The following PHACTR4 variants were observed in gnomAD, a reference collection of about 807,000 sequenced individuals.
PHACTR4 encodes protein phosphatase 1, regulatory subunit 124.
A neutral mutation model predicts 72.7 loss-of-function variants in PHACTR4; 51 were observed. The ratio of observed to expected loss-of-function variants is 0.70; its 90% CI spans 0.56 to 0.89. The LOEUF is 0.89. Ranked by LOEUF, PHACTR4 falls within the 40% of genes least tolerant of loss-of-function variation. The probability of loss-of-function intolerance (pLI) is 0.00; values close to 1 mark genes in which losing one functional copy is unlikely to be tolerated. For missense variants in PHACTR4, 731 were observed against 861.8 expected (o/e 0.85, Z 1.90); for synonymous variants, 255 against 302.5 (o/e 0.84, Z 1.63).
intron 1 of PHACTR4, among the ~76,000 whole-genome samples, chr1:28,376,113 C>T (rs1651645972): frequency 6.6e-6 from 1 of 151,934 alleles, no homozygotes; most frequent in South Asian, 2.1e-4. Context: ...ACAGCCGTGT[C>T]TTCACAGGGG....
chr1:28,485,044 T>G (rs1269980394), intron 9 of PHACTR4, among the ~76,000 whole-genome samples: 3 of 152,116 alleles, frequency 2.0e-5, no homozygotes, highest in Non-Finnish European at 4.4e-5. Context: ...TCCAATATGC[T>G]AACAACATAG....
chr1:28,418,841 C>G (rs1655293554), intron 2 of PHACTR4, among the ~76,000 whole-genome samples: 1 of 151,192 alleles, frequency 6.6e-6, no homozygotes, highest in East Asian at 1.9e-4. Context: ...GTCCCAGCTA[C>G]TTGGGAGGCT....
intron 1 of PHACTR4, among the ~76,000 whole-genome samples, chr1:28,377,023 G>A (rs1467810361): frequency 2.0e-5 from 3 of 151,414 alleles, no homozygotes; most frequent in Non-Finnish European, 4.4e-5. Context: ...TCTGCCTCCC[G>A]GGTTCAAGCG....
intron 1 of PHACTR4, among the ~76,000 whole-genome samples, chr1:28,402,349 G>C (rs957619493): frequency 6.6e-6 from 1 of 152,138 alleles, no homozygotes; most frequent in African/African-American, 2.4e-5. Flanking sequence ...TTTCCAAATA[G>C]AGTATTGAGT....
chr1:28,460,087 A>G (rs1207004831), intron 3 of PHACTR4, 125 bp from the exon 4 acceptor site: 3 of 544,038 alleles, frequency 5.5e-6, no homozygotes, highest in Non-Finnish European at 6.4e-6. Flanking sequence ...TCTGCTAGTT[A>G]TTTTCTTTCC....
chr1:28,475,729 C>CTG, intron 7 of PHACTR4, among the ~76,000 whole-genome samples: 1 of 135,290 alleles, frequency 7.4e-6, no homozygotes, highest in South Asian at 2.3e-4. Context: ...AGTCCTTTGT[C>CTG]TTTTTTTTTT....
At chr1:28,446,786 A>G (rs984243796) in intron 2 of PHACTR4, among the ~76,000 whole-genome samples, 2 of 151,898 alleles carry the variant, frequency 1.3e-5, no homozygotes, top group Admixed American at 6.6e-5. Flanking sequence ...CTCAAAAAAA[A>G]AGAAAAGTGT....
chr1:28,491,163 G>C, intron 11 of PHACTR4, 151 bp downstream of exon 11: 2 of 641,472 alleles, frequency 3.1e-6, no homozygotes, highest in South Asian at 1.9e-5. Flanking sequence ...GAGCCCAGGA[G>C]TTCAAGACCA....
intron 2 of PHACTR4, among the ~76,000 whole-genome samples, chr1:28,436,529 C>T (rs1220351233): frequency 1.3e-5 from 2 of 152,128 alleles, no homozygotes; most frequent in Non-Finnish European, 2.9e-5. Flanking sequence ...ATATACCTCA[C>T]AATGCATGGT....
intron 8 of PHACTR4, among the ~76,000 whole-genome samples, chr1:28,477,257 T>C (rs1462916097): frequency 6.6e-6 from 1 of 151,834 alleles, no homozygotes; most frequent in Non-Finnish European, 1.5e-5. Context: ...AGCTAATTTT[T>C]TTTTATTTTT....
chr1:28,487,739 T>TTG (rs1557849849), intron 9 of PHACTR4, among the ~76,000 whole-genome samples: 2 of 133,452 alleles, frequency 1.5e-5, no homozygotes, highest in African/African-American at 5.8e-5. Flanking sequence ...TTTTTTTTTT[T>TTG]TTTTTTTTTT....
intron 6 of PHACTR4, among the ~76,000 whole-genome samples, chr1:28,467,853 T>C (rs1251217378): frequency 1.3e-5 from 2 of 152,202 alleles, no homozygotes; most frequent in Non-Finnish European, 2.9e-5. Flanking sequence ...GTCTACTTTC[T>C]TTATATAAAT....
chr1:28,430,826 A>G (rs1656206613), intron 2 of PHACTR4, among the ~76,000 whole-genome samples: 1 of 152,182 alleles, frequency 6.6e-6, no homozygotes, highest in Non-Finnish European at 1.5e-5. Flanking sequence ...ATACTTCAGC[A>G]TAAAAATACA....
chr1:28,376,788 C>G (rs182062606), intron 1 of PHACTR4, among the ~76,000 whole-genome samples: 2 of 151,742 alleles, frequency 1.3e-5, no homozygotes, highest in African/African-American at 4.9e-5. Flanking sequence ...AGGCGCCCAC[C>G]ACCACACCCG....
rs1289112730 is a variant in PHACTR4, at chr1:28,491,017, T to C, written c.1878+5T>C. ...AAACGTCGGCTCACTAGAAAGGTAC[T>C]ACTGCCTGTGTGTTCAGTTAACTAT... is the stretch of plus-strand genomic sequence containing the variant. On this transcript the variant is annotated splice_donor_5th_base_variant and intron_variant, in intron 11 of 13. Transcript: ENST00000373839. 1 of 1,611,962 alleles carries C rather than the reference T, an allele frequency of 6.2e-7. No individual in the cohort carries two copies.
At chr1:28,438,323 A>T in intron 2 of PHACTR4, 2 of 1,584,302 alleles carry the variant, frequency 1.3e-6, no homozygotes, top group Non-Finnish European at 1.7e-6. Flanking sequence ...TTTATCTTTT[A>T]TGAAAAGTTT....
intron 1 of PHACTR4, among the ~76,000 whole-genome samples, chr1:28,377,483 G>A (rs960964206): frequency 3.3e-4 from 49 of 149,060 alleles, no homozygotes; most frequent in Non-Finnish European, 4.8e-4. Flanking sequence ...CAAGTGATCC[G>A]CCCGCCTCAG....
intron 2 of PHACTR4, among the ~76,000 whole-genome samples, chr1:28,458,672 A>G (rs1340699240): frequency 6.6e-6 from 1 of 152,192 alleles, no homozygotes; most frequent in African/African-American, 2.4e-5. Context: ...AACTATTTAT[A>G]TCCTGAAAAG....
chr1:28,404,687 C>T (rs557307773), intron 1 of PHACTR4, among the ~76,000 whole-genome samples: 1 of 152,174 alleles, frequency 6.6e-6, no homozygotes, highest in African/African-American at 2.4e-5. Context: ...AAATCGGCTA[C>T]ATCATTTTAC....
Sources: gnomAD v4.1 joint callset for allele counts (sites outside exome capture counted in the v4.1 genomes callset) on GRCh38, gnomAD v4.1.1 for gene constraint, MANE v1.5 for transcripts, NCBI Gene and HGNC (gene_info 2026-07-23, HGNC 2026-07-21) for gene names.